The following ZNF608 variants were observed in gnomAD, a reference collection of about 807,000 sequenced individuals.
The protein encoded by ZNF608 is renal carcinoma antigen NY-REN-36.
A neutral mutation model predicts 109.0 loss-of-function variants in ZNF608; 12 were observed. The ratio of observed to expected loss-of-function variants is 0.11; its 90% CI spans 0.07 to 0.18. ZNF608 has a LOEUF of 0.18. ZNF608 is among the 10% of genes least tolerant of loss of function. The probability of loss-of-function intolerance (pLI) is 1.00; values close to 1 mark genes in which losing one functional copy is unlikely to be tolerated. For synonymous variants in ZNF608, 732 were observed against 717.4 expected (o/e 1.02, Z -0.33); for missense variants, 1,707 against 1,879.3 (o/e 0.91, Z 1.70).
chr5:124,708,826 C>A (rs1173074445), intron 2 of ZNF608: 4 of 447,858 alleles, frequency 8.9e-6, no homozygotes, highest in African/African-American at 8.1e-5. Context: ...GGGGCCAAGA[C>A]GGATGCTTCC....
intron 3 of ZNF608, among the ~76,000 whole-genome samples, chr5:124,649,933 CTG>C (rs1270998427): frequency 3.9e-5 from 6 of 152,190 alleles, no homozygotes; most frequent in Non-Finnish European, 7.4e-5. Context: ...AGGAGTGAGA[CTG>C]TGTGTGAGAG....
intron 3 of ZNF608, among the ~76,000 whole-genome samples, chr5:124,662,253 T>A (rs1250828976): frequency 6.6e-6 from 1 of 152,248 alleles, no homozygotes; most frequent in African/African-American, 2.4e-5. Flanking sequence ...GGCTCTGACT[T>A]CTTTCTTGGA....
upstream of ZNF608, among the ~76,000 whole-genome samples, chr5:124,747,405 T>A (rs1022684392): frequency 6.6e-6 from 1 of 151,646 alleles, no homozygotes; most frequent in Non-Finnish European, 1.5e-5. Context: ...TTGCTGGAAA[T>A]GTCGGGGCTG....
chr5:124,666,826 G>A (rs1170689511), intron 3 of ZNF608, among the ~76,000 whole-genome samples: 1 of 150,810 alleles, frequency 6.6e-6, no homozygotes, highest in African/African-American at 2.4e-5. Context: ...CTAATTTTAT[G>A]TAAAGACATA....
intron 2 of ZNF608, among the ~76,000 whole-genome samples, chr5:124,739,343 T>C (rs1749280924): frequency 1.3e-5 from 2 of 152,184 alleles, no homozygotes; most frequent in African/African-American, 2.4e-5. Context: ...TTTTCCTCAT[T>C]ATCAACAATC....
chr5:124,716,002 G>C (rs1753679668), intron 2 of ZNF608, among the ~76,000 whole-genome samples: 1 of 151,838 alleles, frequency 6.6e-6, no homozygotes, highest in Non-Finnish European at 1.5e-5. Context: ...AATTAGCCGG[G>C]CGTGGTGGCG....
At chr5:124,645,862 T>G (rs1750474263) in intron 5 of ZNF608, among the ~76,000 whole-genome samples, 2 of 152,030 alleles carry the variant, frequency 1.3e-5, no homozygotes, top group South Asian at 4.1e-4. Context: ...TCTGACCCCA[T>G]GTGAAAGAAA....
At chr5:124,646,125 G>T (rs571290056) in intron 5 of ZNF608, among the ~76,000 whole-genome samples, 21 of 152,274 alleles carry the variant, frequency 1.4e-4, no homozygotes, top group African/African-American at 4.3e-4. Context: ...CACTTTGGGA[G>T]GCCAGGGTGG....
intron 3 of ZNF608, among the ~76,000 whole-genome samples, chr5:124,665,818 C>A (rs1751455302): frequency 1.3e-5 from 2 of 152,188 alleles, no homozygotes; most frequent in African/African-American, 4.8e-5. Flanking sequence ...TCCCACTACT[C>A]CTTGCAGTTT....
intron 2 of ZNF608, among the ~76,000 whole-genome samples, chr5:124,712,360 C>T (rs746430285): frequency 4.6e-5 from 7 of 152,058 alleles, no homozygotes; most frequent in South Asian, 2.1e-4. Context: ...GTCTATCAGG[C>T]GAATGGACAG....
At chr5:124,638,775 A>C in intron 9 of ZNF608, 1 of 996,306 alleles carries the variant, frequency 1.0e-6, no homozygotes, top group Non-Finnish European at 1.2e-6. Flanking sequence ...CAAAGAACAA[A>C]CATTACCTTT....
At chr5:124,743,916 C>T (rs775346224) in intron 2 of ZNF608, among the ~76,000 whole-genome samples, 168 bp downstream of exon 2, 29 of 152,240 alleles carry the variant, frequency 1.9e-4, no homozygotes, top group Non-Finnish European at 3.7e-4. Flanking sequence ...ACACTGCACC[C>T]AAGTAGGCTC....
Position 124,637,547 on chromosome 5 carries a change from C to T in ZNF608, c.*353G>A, listed in dbSNP as rs1318303892. On this transcript the variant is annotated 3_prime_UTR_variant, in exon 10 of 10. Transcript: ENST00000513986. ...AAAGTAAGTAGCCTTTTGTGGCTAA[C>T]ACTTTTTAACATGACAAATACATTT... 1 of 153,474 alleles carries T rather than the reference C, an allele frequency of 6.5e-6. No individual in the cohort carries two copies. The highest frequency in any genetic ancestry group is 2.4e-5 in the African/African-American group (1 of 41,454). 9.5% of individuals were successfully genotyped at this position (153,474 alleles called of 1,614,324 possible).
rs977315635 is a variant in ZNF608 at position 124,736,702 on chromosome 5, C to A, written c.906+7382G>T. 2.0e-5 allele frequency among the ~76,000 whole-genome samples: 3 copies of A among 152,164 alleles called. No homozygotes were observed. In the East Asian group the frequency reaches 5.8e-4, roughly 29 times the overall value. On this transcript the variant is annotated intron_variant, in intron 2 of 9. Coordinates refer to ENST00000513986, the MANE Select transcript of ZNF608 (RefSeq NM_020747.3). ...GAAGGACAAAAAGGTATACCAAAAG[C>A]GGCCAGAGGGCCAGATGTGCTTTTC... is the stretch of plus-strand genomic sequence containing the variant.
At chr5:124,669,936 G>A (rs1475649133) in intron 3 of ZNF608, among the ~76,000 whole-genome samples, 1 of 152,198 alleles carries the variant, frequency 6.6e-6, no homozygotes, top group Non-Finnish European at 1.5e-5. Flanking sequence ...AATGGGGAAT[G>A]ATAATTTTGA....
At chr5:124,698,440 T>G (rs1175129049) in intron 3 of ZNF608, among the ~76,000 whole-genome samples, 1 of 152,228 alleles carries the variant, frequency 6.6e-6, no homozygotes. Context: ...AGCTCCTTCT[T>G]GTCACCACAG....
At chr5:124,729,750 C>A (rs556514747) in intron 2 of ZNF608, among the ~76,000 whole-genome samples, 1 of 152,268 alleles carries the variant, frequency 6.6e-6, no homozygotes, top group Non-Finnish European at 1.5e-5. Context: ...TTCCCACACT[C>A]CCCCAAAGGG....
At chr5:124,737,502 T>A (rs1749205457) in intron 2 of ZNF608, among the ~76,000 whole-genome samples, 1 of 152,214 alleles carries the variant, frequency 6.6e-6, no homozygotes, top group South Asian at 2.1e-4. Flanking sequence ...TTTGAGTTCT[T>A]TATTACAGTT....
intron 2 of ZNF608, among the ~76,000 whole-genome samples, chr5:124,716,656 G>A (rs967341034): frequency 2.0e-5 from 3 of 152,170 alleles, no homozygotes; most frequent in Non-Finnish European, 2.9e-5. Flanking sequence ...ATTTTTTCAG[G>A]TAGCTTTAGT....
Sources: gnomAD v4.1 joint callset for allele counts (sites outside exome capture counted in the v4.1 genomes callset) on GRCh38, gnomAD v4.1.1 for gene constraint, MANE v1.5 for transcripts, NCBI Gene and HGNC (gene_info 2026-07-23, HGNC 2026-07-21) for gene names.